Variants in RIN2 observed in about 807,000 individuals in gnomAD.
The protein encoded by RIN2 is RAB5 interacting protein 2.
A neutral mutation model predicts 78.0 loss-of-function variants in RIN2; 36 were observed. That is an observed-to-expected ratio of 0.46 (90% confidence interval 0.35 to 0.61). The LOEUF (loss-of-function observed/expected upper bound fraction) is 0.61, where lower values mean the gene tolerates loss of function less well. RIN2 is among the 20% of genes least tolerant of loss of function. RIN2 has a pLI of 0.00. For missense variants in RIN2, 1,087 were observed against 1,159.7 expected (o/e 0.94, Z 0.91); for synonymous variants, 466 against 466.8 (o/e 1.00, Z 0.02).
chr20:19,935,230 C>A (rs1046339293), intron 4 of RIN2, 31 bp downstream of exon 4: 3 of 1,544,382 alleles, frequency 1.9e-6, no homozygotes, highest in African/African-American at 2.7e-5. Flanking sequence ...GTGATGGGTG[C>A]GAGAAAGGGA....
At chr20:19,808,813 A>G (rs2035495914) in intron 2 of RIN2, among the ~76,000 whole-genome samples, 2 of 152,228 alleles carry the variant, frequency 1.3e-5, no homozygotes, top group Non-Finnish European at 2.9e-5. Flanking sequence ...GACTAGTGCC[A>G]GCGACCCTAG....
chr20:19,798,577 G>A (rs1276672458), intron 1 of RIN2, among the ~76,000 whole-genome samples: 1 of 152,044 alleles, frequency 6.6e-6, no homozygotes, highest in African/African-American at 2.4e-5. Context: ...ACAAGCAGGA[G>A]AGTGGAGCAC....
chr20:19,882,633 C>A (rs537916283), intron 2 of RIN2, among the ~76,000 whole-genome samples: 1 of 152,270 alleles, frequency 6.6e-6, no homozygotes, highest in Middle Eastern at 3.4e-3. Context: ...GCTGAGGTGG[C>A]TTATGACACC....
intron 2 of RIN2, among the ~76,000 whole-genome samples, chr20:19,873,327 A>G (rs970019469): frequency 6.6e-6 from 1 of 151,938 alleles, no homozygotes; most frequent in African/African-American, 2.4e-5. Context: ...GGGTCTCACT[A>G]TGTTGCCAAG....
chr20:19,867,426 A>AT (rs1486971756), intron 2 of RIN2, among the ~76,000 whole-genome samples: 2 of 151,882 alleles, frequency 1.3e-5, no homozygotes, highest in Non-Finnish European at 2.9e-5. Flanking sequence ...CATTTACAGC[A>AT]TTTTTTTTCA....
intron 1 of RIN2, among the ~76,000 whole-genome samples, chr20:19,783,226 C>T (rs2034567894): frequency 6.6e-6 from 1 of 152,190 alleles, no homozygotes; most frequent in Non-Finnish European, 1.5e-5. Context: ...GGTTTATATT[C>T]ATACGGTTTT....
At chr20:19,868,033 A>C (rs2037562768) in intron 2 of RIN2, among the ~76,000 whole-genome samples, 1 of 152,248 alleles carries the variant, frequency 6.6e-6, no homozygotes, top group Non-Finnish European at 1.5e-5. Context: ...ATGCTGGTGC[A>C]CAAAGAGCCG....
chr20:19,862,978 G>T (rs985690315), intron 2 of RIN2, among the ~76,000 whole-genome samples: 5 of 152,178 alleles, frequency 3.3e-5, no homozygotes, highest in African/African-American at 1.2e-4. Context: ...CTCCCTCTTG[G>T]CATCATCTAC....
At chr20:19,787,506 G>T (rs2034722491) in intron 1 of RIN2, among the ~76,000 whole-genome samples, 1 of 150,828 alleles carries the variant, frequency 6.6e-6, no homozygotes. Context: ...TTTTATTCCT[G>T]ATGGCAAAAG....
chr20:19,852,597 T>G (rs2037018639), intron 2 of RIN2, among the ~76,000 whole-genome samples: 2 of 152,190 alleles, frequency 1.3e-5, no homozygotes, highest in Admixed American at 1.3e-4. Context: ...GGAAAACACC[T>G]GCCAAAGGGA....
chr20:19,848,791 A>G (rs2036866178), intron 2 of RIN2, among the ~76,000 whole-genome samples: 1 of 152,188 alleles, frequency 6.6e-6, no homozygotes, highest in Admixed American at 6.5e-5. Context: ...TACTGCCTCT[A>G]GGTTATTCTA....
chr20:19,850,589 A>G (rs2036929431), intron 2 of RIN2, among the ~76,000 whole-genome samples: 2 of 152,156 alleles, frequency 1.3e-5, no homozygotes, highest in East Asian at 1.9e-4. Context: ...TGCCACCTAC[A>G]CTTGTATTAT....
chr20:19,815,945 G>A (rs1285545160), intron 2 of RIN2, among the ~76,000 whole-genome samples: 1 of 152,148 alleles, frequency 6.6e-6, no homozygotes, highest in Non-Finnish European at 1.5e-5. Flanking sequence ...GATAACATAC[G>A]GGAAAATTTG....
rs140500281 is a variant in RIN2 at position 19,866,968 on chromosome 20, C to T, written c.-36-22598C>T. On this transcript the variant is annotated intron_variant, in intron 2 of 12. Coordinates refer to ENST00000255006, the MANE Select transcript of RIN2 (RefSeq NM_018993.4). The stretch of plus-strand genomic sequence containing the variant: ...ACACACATGTTAGTGTTTTGCTGTG[C>T]GAAAACGTTAAACCATCACTAAGAA... Among the ~76,000 whole-genome samples, 890 of 151,766 alleles carry T rather than the reference C, an allele frequency of 5.9e-3. 9 individuals carry two copies. The highest frequency in any genetic ancestry group is 7.9e-3 in the Non-Finnish European group (535 of 67,960).
intron 2 of RIN2, among the ~76,000 whole-genome samples, chr20:19,816,824 AAAG>A (rs2122859140): frequency 6.6e-6 from 1 of 152,352 alleles, no homozygotes; most frequent in South Asian, 2.1e-4. Context: ...TGAATAACTG[AAAG>A]AAGATTTAGA....
At chr20:19,936,097 A>G (rs1211964069) in intron 4 of RIN2, among the ~76,000 whole-genome samples, 2 of 152,206 alleles carry the variant, frequency 1.3e-5, no homozygotes, top group Non-Finnish European at 2.9e-5. Context: ...CCATACGCTG[A>G]CGGGAGAGAG....
chr20:19,957,035 A>C (rs1052691887), intron 5 of RIN2, among the ~76,000 whole-genome samples: 1 of 152,198 alleles, frequency 6.6e-6, no homozygotes, highest in African/African-American at 2.4e-5. Flanking sequence ...AGGTACAAGG[A>C]TCCAGCAGAG....
chr20:19,896,377 G>A (rs969856690), intron 3 of RIN2, among the ~76,000 whole-genome samples: 2 of 151,956 alleles, frequency 1.3e-5, no homozygotes, highest in Admixed American at 1.3e-4. Flanking sequence ...TTTAGTAGAG[G>A]CGGGGTTTCT....
At chr20:19,795,359 G>C (rs760256824) in intron 1 of RIN2, among the ~76,000 whole-genome samples, 11 of 152,132 alleles carry the variant, frequency 7.2e-5, no homozygotes, top group Admixed American at 7.2e-4. Flanking sequence ...TTTTTAGATT[G>C]TTTGGGTTTG....
Sources: gnomAD v4.1 joint callset for allele counts (sites outside exome capture counted in the v4.1 genomes callset) on GRCh38, gnomAD v4.1.1 for gene constraint, MANE v1.5 for transcripts, NCBI Gene and HGNC (gene_info 2026-07-23, HGNC 2026-07-21) for gene names.